PPM1A: variants seen among roughly 807,000 people sequenced by gnomAD.
PPM1A encodes protein phosphatase 1A.
PPM1A carries 7 observed loss-of-function variants against 35.0 expected under a neutral mutation model. The ratio of observed to expected loss-of-function variants is 0.20; its 90% CI spans 0.11 to 0.38. PPM1A has a LOEUF of 0.38. PPM1A is among the 10% of genes least tolerant of loss of function. The probability of loss-of-function intolerance (pLI) is 1.00; values close to 1 mark genes in which losing one functional copy is unlikely to be tolerated. For missense variants in PPM1A, 239 were observed against 467.8 expected (o/e 0.51, Z 4.51); for synonymous variants, 153 against 167.3 (o/e 0.91, Z 0.66).
intron 1 of PPM1A, among the ~76,000 whole-genome samples, chr14:60,262,926 T>A (rs1883926905): frequency 6.6e-6 from 1 of 152,170 alleles, no homozygotes; most frequent in Non-Finnish European, 1.5e-5. Context: ...GGAATTGACA[T>A]GAATAGTTCC....
At position 60,292,681 on chromosome 14, in the gene PPM1A, T is replaced by TA. The variant is rs1256362941; in HGVS notation, c.*200dup. On this transcript the variant is annotated 3_prime_UTR_variant, in exon 6 of 6. Coordinates refer to ENST00000395076, the MANE Select transcript of PPM1A (RefSeq NM_021003.5). This position sits in a 1 kb window ranked among gnomAD's most constrained non-coding sequence, Gnocchi z 4.2. ...TTTTTTTTTTTGTAAATTTGAGACTTATGTAAGCGTGATTTCAAACCATAA... is the reference window on the plus strand; with the variant it reads ...TTTTTTTTTTTGTAAATTTGAGACTTAATGTAAGCGTGATTTCAAACCATAA... 4.9e-6 allele frequency: 2 copies of TA among 406,950 alleles called. No individual in the cohort carries two copies. The highest frequency in any genetic ancestry group is 4.1e-5 in the African/African-American group (2 of 48,524). 25.2% of individuals were successfully genotyped at this position (406,950 alleles called of 1,614,324 possible).
intron 1 of PPM1A, among the ~76,000 whole-genome samples, chr14:60,271,748 T>C (rs889825544): frequency 6.6e-6 from 1 of 152,308 alleles, no homozygotes; most frequent in Non-Finnish European, 1.5e-5. Context: ...AATAATTTTG[T>C]GTGTCTCTTA....
chr14:60,282,062 G>A lies in PPM1A; in HGVS notation c.-20-622G>A, dbSNP rs12323784. ...CCTCATGGAAAAGGTAGAATGTAAGGTAGACTTAAAAGGATAGGTATACTT... is the reference window on the plus strand; with the variant it reads ...CCTCATGGAAAAGGTAGAATGTAAGATAGACTTAAAAGGATAGGTATACTT... On this transcript the variant is annotated intron_variant, in intron 1 of 5. Coordinates refer to ENST00000395076, the MANE Select transcript of PPM1A (RefSeq NM_021003.5). This position sits in a 1 kb window ranked among gnomAD's most constrained non-coding sequence, Gnocchi z 5.1. Among the ~76,000 whole-genome samples the A allele has an allele frequency of 0.071, 10,817 of 152,172 alleles. 614 individuals carry two copies. Among genetic ancestry groups the A allele is most frequent in the African/African-American group, 0.16 (6,812 of 41,482 alleles).
At chr14:60,286,057 A>G (rs1886969977) in intron 3 of PPM1A, 2 of 1,013,964 alleles carry the variant, frequency 2.0e-6, no homozygotes, top group Non-Finnish European at 2.4e-6. Context: ...ATGCCGGGAA[A>G]ATCTGATTTG....
chr14:60,263,788 A>G (rs1174932836), intron 1 of PPM1A, among the ~76,000 whole-genome samples: 2 of 152,106 alleles, frequency 1.3e-5, no homozygotes, highest in Admixed American at 1.3e-4. Flanking sequence ...TTTTGTCCAT[A>G]GATGTACTAT....
chr14:60,294,645 C>G lies in PPM1A; in HGVS notation c.*2163C>G, dbSNP rs556618567. 3 of 151,180 alleles carry G rather than the reference C, an allele frequency of 2.0e-5. No homozygotes were observed. The highest frequency in any genetic ancestry group is 4.8e-5 in the African/African-American group (2 of 41,282). The allele number at this position is 151,180 out of a possible 1,614,324, so 9.4% of individuals were successfully genotyped here. On this transcript the variant is annotated 3_prime_UTR_variant, in exon 6 of 6. Coordinates refer to ENST00000395076, the MANE Select transcript of PPM1A (RefSeq NM_021003.5). ...CTGGACTGTGTAATCTTTTGAGATG[C>G]AAAACTTAAGTCACAAGTAGAGTAT...
chr14:60,261,927 TACAC>T (rs1159822659), intron 1 of PPM1A, among the ~76,000 whole-genome samples: 1 of 152,166 alleles, frequency 6.6e-6, no homozygotes, highest in Non-Finnish European at 1.5e-5. Flanking sequence ...GGGAGGGGAA[TACAC>T]ACTGTTAGAC....
rs148016157 is a variant in PPM1A, at chr14:60,263,907, C to G, written c.-21+14230C>G. ...TTTTATGAGCTAATATTTGATTAAACCGAATATTTCTCCATCCTCTGTATA... is the reference window on the plus strand; with the variant it reads ...TTTTATGAGCTAATATTTGATTAAAGCGAATATTTCTCCATCCTCTGTATA... On this transcript the variant is annotated intron_variant, in intron 1 of 5. Transcript: ENST00000395076. Among the ~76,000 whole-genome samples, 1,281 of 150,798 alleles carry G rather than the reference C, an allele frequency of 8.5e-3. 22 individuals carry two copies. The highest frequency in any genetic ancestry group is 0.034 in the East Asian group (177 of 5,150).
At chr14:60,250,312 C>A in intron 1 of PPM1A, 1 of 434,780 alleles carries the variant, frequency 2.3e-6, no homozygotes, top group Non-Finnish European at 3.1e-6. Flanking sequence ...ATCCTTTTAA[C>A]TACGTAAATC....
rs562962307 is a variant in PPM1A, at chr14:60,272,042, ATT to A, written c.-20-10628_-20-10627del. ...TAATCTTGTGGTGACAGGTATTTCC[ATT>A]TTTTTTTTTTTTTGATGTTTCATAT... On this transcript the variant is annotated intron_variant, in intron 1 of 5. Transcript: ENST00000395076. 7.2e-4 allele frequency among the ~76,000 whole-genome samples: 98 copies of A among 136,732 alleles called. No homozygotes were observed. In the South Asian group the frequency reaches 9.0e-3, roughly 13 times the overall value. 89.7% of individuals were successfully genotyped at this position (136,732 alleles called of 152,430 possible).
chr14:60,276,509 T>C (rs1452250320), intron 1 of PPM1A, among the ~76,000 whole-genome samples: 1 of 152,234 alleles, frequency 6.6e-6, no homozygotes, highest in Admixed American at 6.5e-5. Context: ...CAATGTTCTT[T>C]TGTTATATGA....
intron 3 of PPM1A, chr14:60,286,095 G>A: frequency 1.0e-6 from 1 of 992,706 alleles, no homozygotes; most frequent in Non-Finnish European, 1.2e-6. Context: ...AAGAGATTGT[G>A]ATGGTGATAA....
At position 60,254,397 on chromosome 14, in the gene PPM1A, T is replaced by TA. The variant is rs374319043; in HGVS notation, c.-21+4722dup. Among the ~76,000 whole-genome samples the TA allele has an allele frequency of 6.2e-3, 945 of 151,978 alleles. 9 individuals carry two copies. The highest frequency in any genetic ancestry group is 0.022 in the African/African-American group (904 of 41,440). On this transcript the variant is annotated intron_variant, in intron 1 of 5. Coordinates refer to ENST00000395076, the MANE Select transcript of PPM1A (RefSeq NM_021003.5). Reference sequence around the variant, plus strand: ...AGATGGTTAAATTGCGGATAAAGAGTAACAGTAATAAAGCAAAGGTGAATG... The same window carrying TA: ...AGATGGTTAAATTGCGGATAAAGAGTAAACAGTAATAAAGCAAAGGTGAATG...
rs1566600092 is a variant in PPM1A, at chr14:60,283,667, A to G, written c.834+130A>G. On this transcript the variant is annotated intron_variant, in intron 2 of 5. Coordinates refer to ENST00000395076, the MANE Select transcript of PPM1A (RefSeq NM_021003.5). This position sits in a 1 kb window ranked among gnomAD's most constrained non-coding sequence, Gnocchi z 6.3. ...CACAACTGTAGGATACTGTTCACCAATTATGAAAATATATCATAGGACCAC... is the reference window on the plus strand; with the variant it reads ...CACAACTGTAGGATACTGTTCACCAGTTATGAAAATATATCATAGGACCAC... 2.3e-6 allele frequency: 2 copies of G among 857,142 alleles called. No individual in the cohort carries two copies. The highest frequency in any genetic ancestry group is 2.6e-5 in the East Asian group (1 of 37,912). The allele number at this position is 857,142 out of a possible 1,614,324, so 53.1% of individuals were successfully genotyped here.
At chr14:60,284,689 A>ATG (rs1437789628) in intron 2 of PPM1A, among the ~76,000 whole-genome samples, 4 of 122,372 alleles carry the variant, frequency 3.3e-5, no homozygotes, top group African/African-American at 1.8e-4. Flanking sequence ...GTATGTATAT[A>ATG]TATATATATG....
At chr14:60,250,348 T>C (rs1348737660) in intron 1 of PPM1A, 1 of 789,240 alleles carries the variant, frequency 1.3e-6, no homozygotes, top group East Asian at 1.3e-4. Context: ...ATGTTAGAGC[T>C]TGGTTGAGGT....
At chr14:60,286,744 G>A (rs1399519649) in intron 3 of PPM1A, 1 of 982,770 alleles carries the variant, frequency 1.0e-6, no homozygotes, top group Non-Finnish European at 1.2e-6. Flanking sequence ...AATCATGATT[G>A]GTTTTGTTCT....
chr14:60,274,871 A>G (rs1010753442), intron 1 of PPM1A, among the ~76,000 whole-genome samples: 1 of 151,620 alleles, frequency 6.6e-6, no homozygotes, highest in African/African-American at 2.4e-5. Context: ...ATTTTGAGCT[A>G]ATGAATACTG....
upstream of PPM1A, among the ~76,000 whole-genome samples, chr14:60,249,017 A>G (rs1227138555): frequency 6.6e-6 from 1 of 152,008 alleles, no homozygotes; most frequent in Non-Finnish European, 1.5e-5. The surrounding 1 kb of genome is among the most constrained non-coding windows in gnomAD (Gnocchi z 4.5). Flanking sequence ...CAGAGAAAGA[A>G]GCTGGGTAAG....
Sources: allele counts gnomAD v4.1 joint callset (sites outside exome capture counted in the v4.1 genomes callset), GRCh38; gene constraint gnomAD v4.1.1; non-coding constraint Gnocchi (gnomAD v3.1); transcripts MANE v1.5; gene names NCBI Gene and HGNC (gene_info 2026-07-23, HGNC 2026-07-21).